Variants in DGKA observed in about 807,000 individuals in gnomAD.
DGKA encodes the protein diacylglycerol kinase alpha.
In DGKA, 35 loss-of-function variants were observed where a neutral mutation model predicts 105.0. The ratio of observed to expected loss-of-function variants is 0.33; its 90% CI spans 0.25 to 0.44. The LOEUF (loss-of-function observed/expected upper bound fraction) is 0.44. DGKA is among the 20% of genes least tolerant of loss of function. The probability of loss-of-function intolerance (pLI) is 1.00; values close to 1 mark genes in which losing one functional copy is unlikely to be tolerated. For synonymous variants in DGKA, 296 were observed against 332.0 expected, an observed-to-expected ratio of 0.89 and a Z score of 1.18; for missense variants, 665 against 915.0, an observed-to-expected ratio of 0.73 and a Z score of 3.53.
chr12:55,951,425 G>A (rs933924554), intron 17 of DGKA, among the ~76,000 whole-genome samples, 198 bp from the exon 18 acceptor site: 4 of 152,102 alleles, frequency 2.6e-5, no homozygotes, highest in Non-Finnish European at 4.4e-5. Context: ...ACACACATTG[G>A]AAACATTCAC....
chr12:55,950,030 A>C (rs1359538344), intron 17 of DGKA, among the ~76,000 whole-genome samples: 2 of 151,244 alleles, frequency 1.3e-5, no homozygotes, highest in Non-Finnish European at 2.9e-5. Context: ...GCTGGAGTGC[A>C]GTGGCGCAAT....
rs1254875964 is a variant in DGKA at position 55,940,523 on chromosome 12, C to T, written c.918+90C>T. The T allele has an allele frequency of 6.3e-7, 1 of 1,580,208 alleles. No homozygotes were observed. The highest frequency in any genetic ancestry group is 8.6e-7 in the Non-Finnish European group (1 of 1,163,036). On this transcript the variant is annotated intron_variant, in intron 11 of 23. Transcript: ENST00000331886. This position sits in a 1 kb window ranked among gnomAD's most constrained non-coding sequence, Gnocchi z 4.3. ...TCCGGCCACACCTCCTTTACAGGCACAGTTGCCCCTGCTCCCAAGGGCTCT... is the reference window on the plus strand; with the variant it reads ...TCCGGCCACACCTCCTTTACAGGCATAGTTGCCCCTGCTCCCAAGGGCTCT...
chr12:55,933,372 AG>A (rs966305012), intron 1 of DGKA: 3 of 152,232 alleles, frequency 2.0e-5, no homozygotes, highest in African/African-American at 7.2e-5. Flanking sequence ...AGGGAAGGGA[AG>A]GGTGAGTCAC....
Position 55,941,490 on chromosome 12 carries a change from T to G in DGKA, c.1176-20T>G. On this transcript the variant is annotated intron_variant, in intron 14 of 23. Coordinates refer to ENST00000331886, the MANE Select transcript of DGKA (RefSeq NM_001345.5). ...CCAACCCCCGCGCCTGCCATGAACTTTTCTTTTTCCCACACACAGGGTGCT... is the reference window on the plus strand; with the variant it reads ...CCAACCCCCGCGCCTGCCATGAACTGTTCTTTTTCCCACACACAGGGTGCT... 1.9e-6 allele frequency: 3 copies of G among 1,613,982 alleles called. No homozygotes were observed. Among genetic ancestry groups the G allele is most frequent in the Non-Finnish European group, 2.5e-6 (3 of 1,179,924 alleles).
chr12:55,934,076 T>C (rs1884174960), intron 1 of DGKA, among the ~76,000 whole-genome samples: 1 of 152,222 alleles, frequency 6.6e-6, no homozygotes, highest in African/African-American at 2.4e-5. Context: ...AATTTGCAAG[T>C]CCATTCTCTT....
chr12:55,951,507 TG>T, intron 17 of DGKA, 115 bp from the exon 18 acceptor site: 1 of 1,089,892 alleles, frequency 9.2e-7, no homozygotes, highest in Non-Finnish European at 1.3e-6. Flanking sequence ...TGGCTAGGGC[TG>T]GGAGGCTCTG....
At chr12:55,927,357 G>C (rs1258912243), upstream of DGKA, 4 of 727,746 alleles carry the variant, frequency 5.5e-6, no homozygotes, top group Admixed American at 2.0e-5. Flanking sequence ...AGTCCTCAGG[G>C]AGCCAAGAGA....
intron 23 of DGKA, 81 bp from the exon 24 acceptor site, chr12:55,953,604 C>CTA: frequency 6.7e-7 from 1 of 1,495,720 alleles, no homozygotes; most frequent in Non-Finnish European, 9.3e-7. Context: ...CCCCAAACCC[C>CTA]ACAGATTTCC....
At chr12:55,938,089 G>A (rs770642975) in intron 5 of DGKA, 37 bp downstream of exon 5, 2 of 1,565,340 alleles carry the variant, frequency 1.3e-6, no homozygotes, top group Non-Finnish European at 1.8e-6. Flanking sequence ...GCAGGGCAGT[G>A]AAGGGAGAGA....
chr12:55,939,780 G>T (rs1885514592), intron 9 of DGKA: 1 of 587,762 alleles, frequency 1.7e-6, no homozygotes, highest in Non-Finnish European at 3.0e-6. Flanking sequence ...ACTATAAAAT[G>T]CAATAAAAAA....
intron 4 of DGKA, 81 bp downstream of exon 4, chr12:55,937,624 T>C (rs1885016618): frequency 6.5e-7 from 1 of 1,543,826 alleles, no homozygotes; most frequent in South Asian, 1.2e-5. Context: ...AGAATTAACT[T>C]GAGTCACACG....
At chr12:55,942,147 C>G in intron 16 of DGKA, 27 bp from the exon 17 acceptor site, 2 of 1,614,076 alleles carry the variant, frequency 1.2e-6, no homozygotes, top group Non-Finnish European at 1.7e-6. Context: ...TAACTCACTC[C>G]ATCCTTCTCT....
intron 17 of DGKA, among the ~76,000 whole-genome samples, chr12:55,948,669 A>G (rs988527765): frequency 6.6e-6 from 1 of 151,642 alleles, no homozygotes; most frequent in African/African-American, 2.4e-5. Flanking sequence ...TTGAGGCTGC[A>G]GTGAGCCAGT....
chr12:55,938,852 A>G (rs1347048758), intron 6 of DGKA, 63 bp from the exon 7 acceptor site: 5 of 1,602,772 alleles, frequency 3.1e-6, no homozygotes, highest in Non-Finnish European at 4.3e-6. Context: ...TGATTTCTGG[A>G]AAAGAGTTTG....
In DGKA at chr12:55,940,910, A is replaced by G. The variant is rs1885816801; in HGVS notation, c.1031A>G (p.Asp344Gly). The change falls in exon 13 of 24, where the codon GAT becomes GGT. Residue 344 changes from aspartate to glycine, a missense_variant. Transcript: ENST00000331886. The surrounding 1 kb of genome is among the most constrained non-coding windows in gnomAD (Gnocchi z 4.3). ...IYPSVLASGP[D>G]RKNSKTSQKT... The stretch of plus-strand genomic sequence containing the variant: ...TTCCCCTCCCAGGCCTCTGGACCGG[A>G]TCGTAAAAATAGCAAAACAAGCCAG... 1.9e-6 allele frequency: 3 copies of G among 1,614,086 alleles called. No homozygotes were observed. Among genetic ancestry groups the G allele is most frequent in the Non-Finnish European group, 1.7e-6 (2 of 1,180,002 alleles).
chr12:55,941,726 C>T (rs1337507407), intron 15 of DGKA, 142 bp downstream of exon 15: 1 of 909,310 alleles, frequency 1.1e-6, no homozygotes, highest in Non-Finnish European at 1.7e-6. Context: ...TATTTCCTTC[C>T]CTAGGGTCAC....
rs531278428 is a variant in DGKA, at chr12:55,940,589, C to G, written c.919-35C>G. 1.9e-6 allele frequency: 3 copies of G among 1,557,244 alleles called. No individual in the cohort carries two copies. Among genetic ancestry groups the G allele is most frequent in the Non-Finnish European group, 2.6e-6 (3 of 1,153,560 alleles). On this transcript the variant is annotated intron_variant, in intron 11 of 23. Coordinates refer to ENST00000331886, the MANE Select transcript of DGKA (RefSeq NM_001345.5). This position sits in a 1 kb window ranked among gnomAD's most constrained non-coding sequence, Gnocchi z 4.3. ...CCAGGTTGAGAGGAGACAGGGTTAC[C>G]TTCGTGATCTCTCTGTGCCCACCTC... is the stretch of plus-strand genomic sequence containing the variant.
At chr12:55,936,723 G>T in intron 2 of DGKA, 156 bp downstream of exon 2, 1 of 1,120,720 alleles carries the variant, frequency 8.9e-7, no homozygotes, top group South Asian at 1.3e-5. Flanking sequence ...AGTGGGAGAT[G>T]GGGAGATGTC....
chr12:55,946,170 TC>T (rs904858874), intron 17 of DGKA, among the ~76,000 whole-genome samples: 29 of 145,874 alleles, frequency 2.0e-4, no homozygotes, highest in African/African-American at 7.3e-4. Flanking sequence ...TCTTTCTTCT[TC>T]TTTTTTTTTT....
Sources: gnomAD v4.1 joint callset for allele counts (sites outside exome capture counted in the v4.1 genomes callset) on GRCh38, gnomAD v4.1.1 for gene constraint, Gnocchi (gnomAD v3.1) non-coding constraint, MANE v1.5 for transcripts, NCBI Gene and HGNC (gene_info 2026-07-23, HGNC 2026-07-21) for gene names.